The following WNT2B variants were observed in gnomAD, a reference collection of about 807,000 sequenced individuals.
WNT2B encodes the protein protein Wnt-2b.
WNT2B carries 19 observed loss-of-function variants against 40.5 expected under a neutral mutation model. The observed-to-expected ratio is 0.47, with a 90% confidence interval of 0.33 to 0.69. WNT2B has a LOEUF of 0.69. WNT2B is among the 30% of genes least tolerant of loss of function. The pLI is 0.02. For missense variants in WNT2B, 467 were observed against 556.4 expected, an observed-to-expected ratio of 0.84 and a Z score of 1.62; for synonymous variants, 220 against 211.9, an observed-to-expected ratio of 1.04 and a Z score of -0.33.
chr1:112,502,610 C>T (rs2101075248), intron 1 of WNT2B, among the ~76,000 whole-genome samples: 1 of 152,286 alleles, frequency 6.6e-6, no homozygotes, highest in Non-Finnish European at 1.5e-5. Context: ...CCCCGCCCTC[C>T]CCCGACCCTG....
chr1:112,500,652 G>A (rs939965916), intron 1 of WNT2B, among the ~76,000 whole-genome samples: 3 of 152,006 alleles, frequency 2.0e-5, no homozygotes, highest in African/African-American at 7.2e-5. Flanking sequence ...CATACCTGTA[G>A]TCCCAGCTAA....
chr1:112,482,434 C>G (rs1217523063), intron 1 of WNT2B, among the ~76,000 whole-genome samples: 1 of 152,202 alleles, frequency 6.6e-6, no homozygotes, highest in Non-Finnish European at 1.5e-5. Context: ...CTTCTGGACT[C>G]AAGCAATCGT....
At chr1:112,502,630 G>T (rs1200266926) in intron 1 of WNT2B, among the ~76,000 whole-genome samples, 1 of 151,970 alleles carries the variant, frequency 6.6e-6, no homozygotes, top group Non-Finnish European at 1.5e-5. Context: ...GCGTGTCCAC[G>T]GTCCCCAGCC....
chr1:112,502,845 GA>G (rs2101075445), intron 1 of WNT2B, among the ~76,000 whole-genome samples: 1 of 152,274 alleles, frequency 6.6e-6, no homozygotes, highest in African/African-American at 2.4e-5. Flanking sequence ...AGGGATTATG[GA>G]AAACCTGACT....
rs1470480860 is a variant in WNT2B at position 112,471,550 on chromosome 1, CT to C, written c.-95+3960del. On this transcript the variant is annotated intron_variant, in intron 1 of 4. Transcript: ENST00000256640. Reference sequence around the variant, plus strand: ...GTCTCTAGTCAGCCATTTTGAACCCCTATCTCAGTTTTTTGAGAGATTTCTG... The same window carrying C: ...GTCTCTAGTCAGCCATTTTGAACCCCATCTCAGTTTTTTGAGAGATTTCTG... Among the ~76,000 whole-genome samples, 8 of 152,170 alleles carry C rather than the reference CT, an allele frequency of 5.3e-5. No individual in the cohort carries two copies. The South Asian group carries it at 1.4e-3, about 28-fold the overall frequency.
At chr1:112,500,573 C>A (rs374712434) in intron 1 of WNT2B, among the ~76,000 whole-genome samples, 1 of 151,916 alleles carries the variant, frequency 6.6e-6, no homozygotes, top group East Asian at 1.9e-4. Flanking sequence ...AGTTCAAGAC[C>A]AGCCTGGGCA....
rs1652292830 is a variant in WNT2B, at chr1:112,509,983, CA to C, written c.182+543del. ...CATTAACTCCCACAATTAAAACAAA[CA>C]AAACGCATGGGTTTGCATTATCTAG... On this transcript the variant is annotated intron_variant, in intron 1 of 4. Coordinates refer to ENST00000369684, the MANE Select transcript of WNT2B (RefSeq NM_024494.3). This position sits in a 1 kb window ranked among gnomAD's most constrained non-coding sequence, Gnocchi z 4.2. Among the ~76,000 whole-genome samples the C allele has an allele frequency of 6.6e-6, 1 of 152,188 alleles. No homozygotes were observed. Among genetic ancestry groups the C allele is most frequent in the East Asian group, 1.9e-4 (1 of 5,196 alleles).
intron 1 of WNT2B, among the ~76,000 whole-genome samples, chr1:112,497,391 A>G (rs1194532552): frequency 6.6e-6 from 1 of 152,252 alleles, no homozygotes; most frequent in Non-Finnish European, 1.5e-5. Flanking sequence ...AGTTAGCACT[A>G]CATGGACGCT....
chr1:112,473,989 C>T (rs1325626125), intron 1 of WNT2B, among the ~76,000 whole-genome samples: 3 of 148,050 alleles, frequency 2.0e-5, no homozygotes, highest in African/African-American at 7.5e-5. Flanking sequence ...GGCATGAACC[C>T]AGGAGGCAGA....
rs1654086373 is a variant in WNT2B, at chr1:112,529,835, TG to T, written c.*9328del. ...AGGTGGTACCTTCACAGGAGCTCAGTGGAACTGGGGTTTACTTACATCTTTT... is the reference window on the plus strand; with the variant it reads ...AGGTGGTACCTTCACAGGAGCTCAGTGAACTGGGGTTTACTTACATCTTTT... On this transcript the variant is annotated 3_prime_UTR_variant, in exon 5 of 5. Coordinates refer to ENST00000369684, the MANE Select transcript of WNT2B (RefSeq NM_024494.3). 1 of 151,646 alleles carries T rather than the reference TG, an allele frequency of 6.6e-6. No homozygotes were observed. Among genetic ancestry groups the T allele is most frequent in the African/African-American group, 2.4e-5 (1 of 41,262 alleles). 9.4% of individuals were successfully genotyped at this position (151,646 alleles called of 1,614,324 possible). A position where few individuals can be genotyped will look rare whatever the true frequency, so the allele number is the denominator to read the frequency against.
chr1:112,475,044 C>A (rs1438021801), intron 1 of WNT2B, among the ~76,000 whole-genome samples: 1 of 152,150 alleles, frequency 6.6e-6, no homozygotes, highest in Middle Eastern at 3.2e-3. Context: ...GCCAACAGAA[C>A]CATGAGACAG....
chr1:112,474,427 C>T (rs892398037), intron 1 of WNT2B, among the ~76,000 whole-genome samples: 2 of 152,150 alleles, frequency 1.3e-5, no homozygotes, highest in Admixed American at 6.5e-5. Flanking sequence ...GGATTACAGG[C>T]GTAAGCCACC....
At chr1:112,519,872 C>CTTCTTCT (rs10634267) in intron 4 of WNT2B, among the ~76,000 whole-genome samples, 2 of 115,650 alleles carry the variant, frequency 1.7e-5, no homozygotes, top group African/African-American at 6.3e-5. Flanking sequence ...GCCCATGCTT[C>CTTCTTCT]TTTTTTTTTT....
chr1:112,512,892 G>A (rs115083349), intron 1 of WNT2B, among the ~76,000 whole-genome samples: 3,453 of 152,262 alleles, frequency 0.023, 139 homozygotes, highest in African/African-American at 0.078. Context: ...AGTAAGGGTG[G>A]TAATAGAGAC....
At chr1:112,497,058 G>A (rs750078529) in intron 1 of WNT2B, among the ~76,000 whole-genome samples, 14 of 152,186 alleles carry the variant, frequency 9.2e-5, no homozygotes, top group Admixed American at 1.3e-4. Context: ...TCCCACAAGC[G>A]TTGGGCCCCC....
At chr1:112,491,073 T>C in intron 1 of WNT2B, 1 of 1,613,906 alleles carries the variant, frequency 6.2e-7, no homozygotes, top group Non-Finnish European at 8.5e-7. Context: ...TCAACAAGTG[T>C]TTGCAAAGGT....
rs200757668 is a variant in WNT2B, at chr1:112,484,274, T to C, written c.-95+16683T>C. On this transcript the variant is annotated intron_variant, in intron 1 of 4. Transcript: ENST00000256640. ...ATATATACACATATATATATACACA[T>C]ATATATATATATATATACACACACA... Among the ~76,000 whole-genome samples the C allele has an allele frequency of 3.2e-3, 402 of 124,736 alleles. 5 individuals carry two copies. The highest frequency in any genetic ancestry group is 0.014 in the African/African-American group (375 of 27,266). The allele number at this position is 124,736 out of a possible 152,430, so 81.8% of individuals were successfully genotyped here. A position where few individuals can be genotyped will look rare whatever the true frequency, so the allele number is the denominator to read the frequency against.
chr1:112,519,872 CTTTTTTTT>C, intron 4 of WNT2B, among the ~76,000 whole-genome samples: 1 of 115,634 alleles, frequency 8.6e-6, no homozygotes, highest in East Asian at 2.6e-4. Context: ...GCCCATGCTT[CTTTTTTTT>C]TTTTTTTTTT....
intron 1 of WNT2B, among the ~76,000 whole-genome samples, chr1:112,483,403 T>G (rs2798242): frequency 0.029 from 4,423 of 152,174 alleles, 215 homozygotes; most frequent in African/African-American, 0.1. Context: ...TTGATAGTGT[T>G]GGAAAAACTG....
Sources: allele counts gnomAD v4.1 joint callset (sites outside exome capture counted in the v4.1 genomes callset), GRCh38; gene constraint gnomAD v4.1.1; non-coding constraint Gnocchi (gnomAD v3.1); transcripts MANE v1.5; gene names NCBI Gene and HGNC (gene_info 2026-07-23, HGNC 2026-07-21).